CNKSR2: variants seen among roughly 807,000 people sequenced by gnomAD.
The protein encoded by CNKSR2 is CNK homolog protein 2.
In CNKSR2, 14 loss-of-function variants were observed where a neutral mutation model predicts 84.4. The ratio of observed to expected loss-of-function variants is 0.17; its 90% CI spans 0.11 to 0.26. The LOEUF is 0.26. CNKSR2 is among the 10% of genes least tolerant of loss of function. CNKSR2 has a pLI of 1.00. For synonymous variants in CNKSR2, 275 were observed against 277.9 expected (o/e 0.99, Z 0.10); for missense variants, 485 against 771.2 (o/e 0.63, Z 4.40).
intron 8 of CNKSR2, chrX:21,503,267 T>G (rs958256459): frequency 6.1e-5 from 18 of 292,936 alleles, no homozygotes; most frequent in African/African-American, 5.0e-4. Context: ...TATTGAAAAC[T>G]ACACAGAATG....
intron 4 of CNKSR2, 123 bp downstream of exon 4, chrX:21,440,904 A>G: frequency 5.1e-6 from 2 of 392,901 alleles, no homozygotes; most frequent in Non-Finnish European, 8.7e-6. Context: ...AAGACAAACC[A>G]TTCTAAAGAA....
At chrX:21,532,379 GT>G (rs1296157553) in intron 11 of CNKSR2, among the ~76,000 whole-genome samples, 2 of 110,191 alleles carry the variant, frequency 1.8e-5, no homozygotes, top group Non-Finnish European at 1.9e-5. Context: ...AAATTCAAGT[GT>G]TTTTTTATTC....
chrX:21,416,730 A>T (rs749274110), intron 1 of CNKSR2, among the ~76,000 whole-genome samples: 1 of 111,534 alleles, frequency 9.0e-6, no homozygotes, highest in South Asian at 3.7e-4. Context: ...GTAGTTTCTC[A>T]TAGTAGCCAC....
chrX:21,544,584 T>C (rs942867520), intron 11 of CNKSR2, among the ~76,000 whole-genome samples: 6 of 112,030 alleles, frequency 5.4e-5, no homozygotes, highest in African/African-American at 1.9e-4. Flanking sequence ...GAAAAAGAAC[T>C]TTCGGTGGCT....
At chrX:21,418,393 T>C (rs1278643719) in intron 1 of CNKSR2, among the ~76,000 whole-genome samples, 1 of 111,989 alleles carries the variant, frequency 8.9e-6, no homozygotes, top group Non-Finnish European at 1.9e-5. Flanking sequence ...AGTAAGTTTT[T>C]TACCTTTAGA....
At chrX:21,516,398 T>A in intron 8 of CNKSR2, 87 bp from the exon 9 acceptor site, 1 of 985,386 alleles carries the variant, frequency 1.0e-6, no homozygotes, top group East Asian at 3.1e-5. Flanking sequence ...GTGACTTTTT[T>A]TTTTACTAAT....
chrX:21,399,648 A>G (rs12013584), intron 1 of CNKSR2, among the ~76,000 whole-genome samples: 8,486 of 110,911 alleles, frequency 0.077, 768 homozygotes, highest in African/African-American at 0.26. Context: ...GATCAGAATA[A>G]CCCCATTCTA....
intron 20 of CNKSR2, among the ~76,000 whole-genome samples, chrX:21,613,288 G>A (rs1198095345): frequency 2.7e-5 from 3 of 111,952 alleles, no homozygotes; most frequent in African/African-American, 6.5e-5. Context: ...AGAAAATCTC[G>A]CTTTCCTTTG....
At chrX:21,531,419 T>G (rs1231120726) in intron 10 of CNKSR2, among the ~76,000 whole-genome samples, 2 of 111,192 alleles carry the variant, frequency 1.8e-5, no homozygotes, top group Non-Finnish European at 3.8e-5. Flanking sequence ...TAAGTTAACA[T>G]TATTACCATT....
At chrX:21,468,961 T>C (rs2091163387) in intron 4 of CNKSR2, among the ~76,000 whole-genome samples, 1 of 112,023 alleles carries the variant, frequency 8.9e-6, no homozygotes, top group Admixed American at 9.5e-5. Flanking sequence ...CATCATATGA[T>C]TACTGAAAAC....
chrX:21,419,221 T>C (rs1272319457), intron 1 of CNKSR2, among the ~76,000 whole-genome samples: 1 of 110,983 alleles, frequency 9.0e-6, no homozygotes, highest in Non-Finnish European at 1.9e-5. Context: ...ATTTTTCAGC[T>C]CCAGTATTTC....
intron 6 of CNKSR2, chrX:21,492,954 G>A (rs1269088130): frequency 4.5e-5 from 5 of 112,016 alleles, no homozygotes; most frequent in Non-Finnish European, 9.4e-5. Flanking sequence ...ATAGAAAGCG[G>A]TGGGAGAATA....
chrX:21,447,223 A>G (rs1477706648), intron 4 of CNKSR2, among the ~76,000 whole-genome samples: 1 of 111,391 alleles, frequency 9.0e-6, no homozygotes, highest in African/African-American at 3.3e-5. Flanking sequence ...TTATGTGCAT[A>G]CCCCAATATG....
chrX:21,601,141 T>C (rs2092479231), intron 17 of CNKSR2, 141 bp from the exon 18 acceptor site: 6 of 379,903 alleles, frequency 1.6e-5, no homozygotes, highest in Non-Finnish European at 2.7e-5. Flanking sequence ...AAAGATTCTA[T>C]GTATCAATAG....
At chrX:21,386,018 CAAAAA>C (rs1179082753) in intron 1 of CNKSR2, among the ~76,000 whole-genome samples, 7 of 20,454 alleles carry the variant, frequency 3.4e-4, no homozygotes, top group African/African-American at 1.0e-3. Flanking sequence ...TGGATGTAGG[CAAAAA>C]AAAAAAAAAA....
chrX:21,635,070 G>A (rs1480707045), intron 20 of CNKSR2, among the ~76,000 whole-genome samples: 1 of 108,108 alleles, frequency 9.3e-6, no homozygotes, highest in African/African-American at 3.4e-5. Flanking sequence ...ACTTGCAAAA[G>A]TAAGTGAAAT....
intron 20 of CNKSR2, among the ~76,000 whole-genome samples, chrX:21,620,366 A>C (rs964725700): frequency 9.1e-6 from 1 of 110,433 alleles, no homozygotes; most frequent in African/African-American, 3.3e-5. Context: ...TTATGTTAAG[A>C]AAAAGGGTTC....
At chrX:21,650,226 C>T (rs1321647912) in intron 21 of CNKSR2, among the ~76,000 whole-genome samples, 1 of 110,954 alleles carries the variant, frequency 9.0e-6, no homozygotes, top group African/African-American at 3.3e-5. Flanking sequence ...ACATATACAC[C>T]ATGGAATACT....
intron 1 of CNKSR2, chrX:21,422,338 A>G (rs768256828): frequency 3.6e-5 from 4 of 111,562 alleles, no homozygotes; most frequent in African/African-American, 6.5e-5. Flanking sequence ...TGTGCCTTCA[A>G]GAAATTTCCT....
Sources: gnomAD v4.1 joint callset for allele counts (sites outside exome capture counted in the v4.1 genomes callset) on GRCh38, gnomAD v4.1.1 for gene constraint, MANE v1.5 for transcripts, NCBI Gene and HGNC (gene_info 2026-07-23, HGNC 2026-07-21) for gene names.